SH3TC1: variants seen among roughly 807,000 people sequenced by gnomAD.
SH3TC1 encodes SH3 domain and tetratricopeptide repeats 1, also known as SH3 domain and tetratricopeptide repeat-containing protein 1.
In SH3TC1, 135 loss-of-function variants were observed where a neutral mutation model predicts 117.3. The ratio of observed to expected loss-of-function variants is 1.15; its 90% confidence interval spans 1.00 to 1.33. The LOEUF (loss-of-function observed/expected upper bound fraction) is 1.33. SH3TC1 is among the 40% of genes most tolerant of loss of function. SH3TC1 has a pLI of 0.00. For missense variants in SH3TC1, 2,092 were observed against 1,794.3 expected (o/e 1.17, Z -3.00); for synonymous variants, 898 against 816.9 (o/e 1.10, Z -1.69).
chr4:8,232,422 A>G, intron 13 of SH3TC1: 1 of 1,553,518 alleles, frequency 6.4e-7, no homozygotes, highest in African/African-American at 1.3e-5. Context: ...TCTCAACCCC[A>G]GCAGAAGCAG....
Position 8,228,659 on chromosome 4 carries a change from T to A in SH3TC1, c.2950+15T>A, listed in dbSNP as rs1465470174. The A allele has an allele frequency of 2.1e-6, 3 of 1,456,196 alleles. No homozygotes were observed. The highest frequency in any genetic ancestry group is 1.8e-6 in the Non-Finnish European group (2 of 1,104,424). The allele number at this position is 1,456,196 out of a possible 1,614,324, so 90.2% of individuals were successfully genotyped here. The stretch of plus-strand genomic sequence containing the variant: ...CCACGTGGAGAGTGAGTGCCCCAGT[T>A]CCTTCTGTGTGCCTTCCGGGGCCAC... On this transcript the variant is annotated intron_variant, in intron 12 of 17. Coordinates refer to ENST00000245105, the MANE Select transcript of SH3TC1 (RefSeq NM_018986.5).
chr4:8,207,371 T>C (rs1718301611), intron 2 of SH3TC1, among the ~76,000 whole-genome samples: 1 of 152,242 alleles, frequency 6.6e-6, no homozygotes, highest in Non-Finnish European at 1.5e-5. Flanking sequence ...TTCTCCCCAC[T>C]GCACAGTTAT....
At chr4:8,217,268 G>T (rs1719390707) in intron 7 of SH3TC1, 101 bp downstream of exon 7, 1 of 1,405,898 alleles carries the variant, frequency 7.1e-7, no homozygotes, top group Non-Finnish European at 9.8e-7. Context: ...AATGGTGGGG[G>T]CCCCGGACAG....
Position 8,205,912 on chromosome 4 carries a change from A to G in SH3TC1, c.172+546A>G. 1.9e-6 allele frequency: 1 copy of G among 530,642 alleles called. No homozygotes were observed. Among genetic ancestry groups the G allele is most frequent in the Non-Finnish European group, 3.4e-6 (1 of 297,390 alleles). The allele number at this position is 530,642 out of a possible 1,614,324, so 32.9% of individuals were successfully genotyped here. On this transcript the variant is annotated intron_variant, in intron 2 of 17. Transcript: ENST00000245105. This position sits in a 1 kb window ranked among gnomAD's most constrained non-coding sequence, Gnocchi z 5.4. ...CTGAGACCCTGAAGGGGACGAGGGG[A>G]GAGGCAGGGGAGACCAAGGCCTGCA...
At position 8,209,509 on chromosome 4, in the gene SH3TC1, T is replaced by C; in HGVS notation, c.173-239T>C. The C allele has an allele frequency of 1.3e-6, 1 of 772,100 alleles. No homozygotes were observed. Among genetic ancestry groups the C allele is most frequent in the African/African-American group, 1.7e-5 (1 of 57,944 alleles). 47.8% of individuals were successfully genotyped at this position (772,100 alleles called of 1,614,324 possible). ...CTTGAGAGCGGCGGGATCATACGAG[T>C]CGTGTGGTCTTAAGCCTCTGAGTGT... On this transcript the variant is annotated intron_variant, in intron 2 of 17. Coordinates refer to ENST00000245105, the MANE Select transcript of SH3TC1 (RefSeq NM_018986.5). This position sits in a 1 kb window ranked among gnomAD's most constrained non-coding sequence, Gnocchi z 5.9.
chr4:8,202,760 C>G (rs1442933395), intron 1 of SH3TC1, among the ~76,000 whole-genome samples: 1 of 152,212 alleles, frequency 6.6e-6, no homozygotes, highest in Non-Finnish European at 1.5e-5. Flanking sequence ...ATTCCCTCCC[C>G]GGCCAGAGCT....
At chr4:8,197,816 C>T (rs1040311045), upstream of SH3TC1, among the ~76,000 whole-genome samples, 12 of 152,326 alleles carry the variant, frequency 7.9e-5, no homozygotes, top group African/African-American at 2.2e-4. Flanking sequence ...GAGGGCTCAC[C>T]GTGCAGGATG....
intron 1 of SH3TC1, among the ~76,000 whole-genome samples, chr4:8,193,118 G>A (rs1717465597): frequency 6.6e-6 from 1 of 152,224 alleles, no homozygotes; most frequent in African/African-American, 2.4e-5. Context: ...CGGACCTGAT[G>A]GCTGGCAAAG....
intron 1 of SH3TC1, among the ~76,000 whole-genome samples, chr4:8,191,103 G>A (rs990444901): frequency 1.3e-5 from 2 of 152,180 alleles, no homozygotes; most frequent in Non-Finnish European, 2.9e-5. Context: ...TCCCTCTTCT[G>A]AAATCTCCTC....
At chr4:8,213,510 G>A (rs950728753) in intron 4 of SH3TC1, among the ~76,000 whole-genome samples, 5 of 152,288 alleles carry the variant, frequency 3.3e-5, no homozygotes, top group Non-Finnish European at 4.4e-5. Context: ...TGGGGCTGTC[G>A]TGCATGATGT....
intron 6 of SH3TC1, 22 bp downstream of exon 6, chr4:8,216,279 G>A (rs1719263871): frequency 6.2e-7 from 1 of 1,608,966 alleles, no homozygotes; most frequent in African/African-American, 1.3e-5. Flanking sequence ...ATGGGGTGAT[G>A]GCCGAGATCC....
At chr4:8,234,307 C>T (rs1469447748) in intron 14 of SH3TC1, among the ~76,000 whole-genome samples, 5 of 151,604 alleles carry the variant, frequency 3.3e-5, no homozygotes, top group African/African-American at 1.2e-4. Context: ...TCCACCCACC[C>T]ATCTACCCAT....
At chr4:8,228,855 G>A (rs550967706) in intron 12 of SH3TC1, among the ~76,000 whole-genome samples, 21 of 152,316 alleles carry the variant, frequency 1.4e-4, no homozygotes, top group Middle Eastern at 3.4e-3. Context: ...AGCTCCTCCC[G>A]GTTTGCCCAG....
At chr4:8,203,113 C>T (rs1052090142) in intron 1 of SH3TC1, among the ~76,000 whole-genome samples, 5 of 152,192 alleles carry the variant, frequency 3.3e-5, no homozygotes, top group African/African-American at 1.2e-4. Context: ...TACACAGGAG[C>T]TGCCTCTTGG....
upstream of SH3TC1, among the ~76,000 whole-genome samples, chr4:8,199,010 A>G (rs755007940): frequency 1.3e-5 from 2 of 152,242 alleles, no homozygotes; most frequent in African/African-American, 2.4e-5. Context: ...GGGCTGAGGC[A>G]GCCGGTGGCT....
In SH3TC1 at chr4:8,217,499, G is replaced by A. The variant is rs1382840899; in HGVS notation, c.839+332G>A. 2.0e-5 allele frequency among the ~76,000 whole-genome samples: 3 copies of A among 152,384 alleles called. 1 individual carries two copies. In the East Asian group the frequency reaches 5.8e-4, roughly 29 times the overall value. On this transcript the variant is annotated intron_variant, in intron 7 of 17. Coordinates refer to ENST00000245105, the MANE Select transcript of SH3TC1 (RefSeq NM_018986.5). ...TACATAAAACATGCGTATCCAGAGT[G>A]AGAAGGCACACGGGACCCACAGATA... is the stretch of plus-strand genomic sequence containing the variant.
intron 6 of SH3TC1, 34 bp from the exon 7 acceptor site, chr4:8,216,923 G>A (rs751447327): frequency 6.2e-7 from 1 of 1,610,240 alleles, no homozygotes; most frequent in Non-Finnish European, 8.5e-7. Context: ...GCCCAGTCCG[G>A]CCACCCTCAG....
chr4:8,188,585 C>G (rs567436549), intron 1 of SH3TC1, among the ~76,000 whole-genome samples: 129 of 152,366 alleles, frequency 8.5e-4, no homozygotes, highest in African/African-American at 2.8e-3. Flanking sequence ...CCCGGTCCCC[C>G]CTCTGTGGTA....
At chr4:8,212,588 C>A in intron 3 of SH3TC1, 113 bp from the exon 4 acceptor site, 1 of 1,467,772 alleles carries the variant, frequency 6.8e-7, no homozygotes, top group Non-Finnish European at 9.2e-7. Context: ...AGCTCACTGC[C>A]CAGGCCTTCG....
Sources: gnomAD v4.1 joint callset for allele counts (sites outside exome capture counted in the v4.1 genomes callset) on GRCh38, gnomAD v4.1.1 for gene constraint, Gnocchi (gnomAD v3.1) non-coding constraint, MANE v1.5 for transcripts, NCBI Gene and HGNC (gene_info 2026-07-23, HGNC 2026-07-21) for gene names.